The following MRPS9 variants were observed in gnomAD, a reference collection of about 807,000 sequenced individuals.
MRPS9 encodes the protein small ribosomal subunit protein uS9m.
Under a neutral mutation model 59.9 loss-of-function variants are expected in MRPS9, and 45 were observed. That is an observed-to-expected ratio of 0.75 (90% CI 0.59 to 0.96). MRPS9 has a LOEUF of 0.96. Among genes scored for constraint, MRPS9 ranks in the 40% least tolerant of loss-of-function variants. The pLI, the probability that MRPS9 is intolerant of heterozygous loss-of-function variation, is 0.00. For synonymous variants in MRPS9, 171 were observed against 166.8 expected, an observed-to-expected ratio of 1.03 and a Z score of -0.19; for missense variants, 473 against 481.1, an observed-to-expected ratio of 0.98 and a Z score of 0.16.
chr2:105,049,387 TAG>T, intron 2 of MRPS9, 37 bp downstream of exon 2: 1 of 1,560,198 alleles, frequency 6.4e-7, no homozygotes, highest in Non-Finnish European at 8.7e-7. Context: ...GTAATTGCTG[TAG>T]AGTTTTAGAT....
At position 105,053,636 on chromosome 2, in the gene MRPS9, A is replaced by C. The variant is rs143167435; in HGVS notation, c.315+4286A>C. On this transcript the variant is annotated intron_variant, in intron 2 of 10. Transcript: ENST00000258455. ...AAGGATCCTGTAGCTTAGTGAATAC[A>C]TTCACATTCAATCAGGTAGAAACCA... Among the ~76,000 whole-genome samples, 16 of 152,342 alleles carry C rather than the reference A, an allele frequency of 1.1e-4. No individual in the cohort carries two copies. In the East Asian group the frequency reaches 3.1e-3, roughly 29 times the overall value.
chr2:105,055,581 T>C lies in MRPS9; in HGVS notation c.315+6231T>C, dbSNP rs1317874240. ...TTTTGGTATTGCATTTTATTAAATA[T>C]AGCGGACCCCTTTTGGTATTGCATT... On this transcript the variant is annotated intron_variant, in intron 2 of 10. Coordinates refer to ENST00000258455, the MANE Select transcript of MRPS9 (RefSeq NM_182640.3). Among the ~76,000 whole-genome samples the C allele has an allele frequency of 2.7e-5, 4 of 150,540 alleles. 1 individual carries two copies. The highest frequency in any genetic ancestry group is 5.9e-5 in the Non-Finnish European group (4 of 67,502).
rs527586161 is a variant in MRPS9 at position 105,090,830 on chromosome 2, A to G, written c.651+835A>G. ...AACATTGTTAGTACTTTGCCACCATATATAGATTTTAAGTCATGTACTTGA... is the reference window on the plus strand; with the variant it reads ...AACATTGTTAGTACTTTGCCACCATGTATAGATTTTAAGTCATGTACTTGA... On this transcript the variant is annotated intron_variant, in intron 7 of 10. Transcript: ENST00000258455. Among the ~76,000 whole-genome samples the G allele has an allele frequency of 8.5e-5, 13 of 152,332 alleles. No individual in the cohort carries two copies. The East Asian group carries it at 1.7e-3, about 20-fold the overall frequency.
rs780103515 is a variant in MRPS9, at chr2:105,049,204, C to A, written c.169C>A (p.Pro57Thr). The A allele has an allele frequency of 6.8e-6, 11 of 1,609,982 alleles. No homozygotes were observed. Among genetic ancestry groups the A allele is most frequent in the Non-Finnish European group, 5.1e-6 (6 of 1,178,490 alleles). ...GCTAAGACATACTGCATTTGTAATA[C>A]CAAAGAAAAACGTTCCTACCTCAAA... ...LRLRHTAFVIPKKNVPTSKRE... is the reference protein window; with the variant it reads ...LRLRHTAFVITKKNVPTSKRE... The change falls in exon 2 of 11, where the codon CCA (proline) becomes ACA (threonine). Residue 57 changes from proline (P) to threonine (T), a missense_variant. Pro to Thr is a conservative substitution (Grantham distance 38). Transcript: ENST00000258455.
chr2:105,069,991 G>A (rs1272543118), intron 2 of MRPS9, among the ~76,000 whole-genome samples: 1 of 152,136 alleles, frequency 6.6e-6, no homozygotes, highest in Non-Finnish European at 1.5e-5. Context: ...CAGCCTCAGC[G>A]ACAGAGTGAG....
intron 2 of MRPS9, among the ~76,000 whole-genome samples, chr2:105,050,430 C>T (rs1284082492): frequency 1.3e-5 from 2 of 152,072 alleles, no homozygotes; most frequent in Admixed American, 6.6e-5. Context: ...GTTAGCCACC[C>T]GGCCCGGTCC....
chr2:105,086,935 G>A (rs956387895), intron 5 of MRPS9, among the ~76,000 whole-genome samples: 30 of 151,996 alleles, frequency 2.0e-4, no homozygotes, highest in African/African-American at 6.8e-4. Context: ...TTTGGTGGGG[G>A]GAGTTCTTTA....
intron 1 of MRPS9, among the ~76,000 whole-genome samples, chr2:105,043,919 C>T (rs1679546170): frequency 6.7e-6 from 1 of 149,798 alleles, no homozygotes; most frequent in Non-Finnish European, 1.5e-5. Context: ...AGGCGTGAGT[C>T]ACCACGCCCG....
chr2:105,063,108 G>A (rs1679935774), intron 2 of MRPS9, among the ~76,000 whole-genome samples: 1 of 152,120 alleles, frequency 6.6e-6, no homozygotes, highest in Admixed American at 6.5e-5. Flanking sequence ...TCTTTTATCT[G>A]AATAAAACAG....
intron 4 of MRPS9, among the ~76,000 whole-genome samples, chr2:105,072,096 CA>C (rs1246832915): frequency 1.3e-5 from 2 of 152,022 alleles, no homozygotes; most frequent in Admixed American, 1.3e-4. Flanking sequence ...ACCTCTTATC[CA>C]GTGAGGACCA....
chr2:105,085,487 C>A (rs542197819), intron 5 of MRPS9, among the ~76,000 whole-genome samples: 1 of 152,228 alleles, frequency 6.6e-6, no homozygotes, highest in South Asian at 2.1e-4. Context: ...TACTTGTTTA[C>A]ACTTCCTAAA....
At chr2:105,097,436 T>C (rs1204560226) in intron 10 of MRPS9, 112 bp downstream of exon 10, 19 of 989,340 alleles carry the variant, frequency 1.9e-5, no homozygotes, top group Non-Finnish European at 2.6e-5. Context: ...ACATATGTAA[T>C]ATTTCACTTC....
chr2:105,060,161 T>A (rs1334569570), intron 2 of MRPS9, among the ~76,000 whole-genome samples: 1 of 152,200 alleles, frequency 6.6e-6, no homozygotes, highest in Non-Finnish European at 1.5e-5. Flanking sequence ...AGTAGCCCTA[T>A]TACCCCAACC....
At chr2:105,047,005 C>T (rs907170034) in intron 1 of MRPS9, among the ~76,000 whole-genome samples, 4 of 151,806 alleles carry the variant, frequency 2.6e-5, no homozygotes, top group African/African-American at 9.7e-5. Flanking sequence ...TTTTAAAATC[C>T]CCTGGAAAAC....
intron 4 of MRPS9, among the ~76,000 whole-genome samples, chr2:105,076,294 A>T (rs1446773532): frequency 1.3e-5 from 2 of 151,804 alleles, no homozygotes; most frequent in Non-Finnish European, 1.5e-5. Flanking sequence ...CTGTCAGTTG[A>T]TGACTCTGTG....
intron 2 of MRPS9, 30 bp from the exon 3 acceptor site, chr2:105,071,283 T>G (rs375460678): frequency 2.9e-4 from 457 of 1,589,984 alleles, no homozygotes; most frequent in South Asian, 7.5e-4. Flanking sequence ...TATATAACAG[T>G]TGTTAACTAA....
At chr2:105,092,754 C>G (rs1030872377) in intron 8 of MRPS9, among the ~76,000 whole-genome samples, 185 bp downstream of exon 8, 3 of 152,108 alleles carry the variant, frequency 2.0e-5, no homozygotes, top group Admixed American at 6.5e-5. Flanking sequence ...GTATAATATC[C>G]TAAGAAAAAA....
chr2:105,094,107 A>G (rs1415147626), intron 9 of MRPS9, among the ~76,000 whole-genome samples: 7 of 152,224 alleles, frequency 4.6e-5, no homozygotes, highest in Non-Finnish European at 1.0e-4. Context: ...CTGATCATAA[A>G]TATTAGAAAA....
intron 2 of MRPS9, among the ~76,000 whole-genome samples, chr2:105,063,475 T>G (rs1304439370): frequency 6.6e-6 from 1 of 152,240 alleles, no homozygotes; most frequent in Non-Finnish European, 1.5e-5. Context: ...CTTTTTCTTA[T>G]GAAAACTTTC....
Sources: allele counts gnomAD v4.1 joint callset (sites outside exome capture counted in the v4.1 genomes callset), GRCh38; gene constraint gnomAD v4.1.1; transcripts MANE v1.5; gene names NCBI Gene and HGNC (gene_info 2026-07-23, HGNC 2026-07-21).